XYLB: variants seen among roughly 807,000 people sequenced by gnomAD.
XYLB encodes the protein xylulose kinase.
In XYLB, 62 loss-of-function variants were observed where a neutral mutation model predicts 78.7. The observed-to-expected ratio is 0.79, with a 90% CI of 0.64 to 0.97. XYLB has a LOEUF of 0.97. Among genes scored for constraint, XYLB ranks in the 50% least tolerant of loss-of-function variants. The pLI is 0.00. For synonymous variants in XYLB, 245 were observed against 247.4 expected, an observed-to-expected ratio of 0.99 and a Z score of 0.09; for missense variants, 687 against 676.8, an observed-to-expected ratio of 1.02 and a Z score of -0.17.
At chr3:38,395,828 T>C (rs1232538502) in intron 16 of XYLB, among the ~76,000 whole-genome samples, 1 of 152,204 alleles carries the variant, frequency 6.6e-6, no homozygotes, top group African/African-American at 2.4e-5. Flanking sequence ...AAAGTGCCTG[T>C]TCTTCCACAT....
At chr3:38,410,052 C>G (rs1055981817) in intron 18 of XYLB, among the ~76,000 whole-genome samples, 1 of 152,040 alleles carries the variant, frequency 6.6e-6, no homozygotes, top group Non-Finnish European at 1.5e-5. Flanking sequence ...TCATATGGAA[C>G]CAAAAAAGAG....
chr3:38,359,414 A>G (rs953378790), intron 2 of XYLB, among the ~76,000 whole-genome samples: 3 of 152,220 alleles, frequency 2.0e-5, no homozygotes, highest in African/African-American at 7.2e-5. Context: ...AATCCTGTTT[A>G]TGGCCAGTTT....
At chr3:38,374,392 G>A (rs1706736346) in intron 10 of XYLB, 70 bp from the exon 11 acceptor site, 1 of 1,611,108 alleles carries the variant, frequency 6.2e-7, no homozygotes, top group Non-Finnish European at 8.5e-7. Context: ...CCTGCCTGGA[G>A]AGCCCTGTGG....
the XYLB span, among the ~76,000 whole-genome samples, chr3:38,435,326 A>AACACAC: frequency 2.0e-5 from 3 of 150,210 alleles, no homozygotes; most frequent in East Asian, 3.9e-4. Flanking sequence ...CAAGACCAGT[A>AACACAC]ACACACACAC....
intron 11 of XYLB, among the ~76,000 whole-genome samples, chr3:38,374,922 A>G (rs1706769360): frequency 6.6e-6 from 1 of 152,196 alleles, no homozygotes; most frequent in Non-Finnish European, 1.5e-5. Flanking sequence ...GTTGTGGGAA[A>G]TCAGCACAGA....
chr3:38,346,817 G>A lies in XYLB; in HGVS notation c.-52G>A. On this transcript the variant is annotated 5_prime_UTR_variant, in exon 1 of 19. Transcript: ENST00000207870. ...GGCGCTGGAGCGCGGCGACTATCAC[G>A]CCGCGTGGCGGACGGACGGACTGAC... 2 of 1,461,816 alleles carry A rather than the reference G, an allele frequency of 1.4e-6. No individual in the cohort carries two copies. Among genetic ancestry groups the A allele is most frequent in the Non-Finnish European group, 1.8e-6 (2 of 1,102,966 alleles). 90.6% of individuals were successfully genotyped at this position (1,461,816 alleles called of 1,614,324 possible). A position where few individuals can be genotyped will look rare whatever the true frequency, so the allele number is the denominator to read the frequency against.
chr3:38,450,934 G>A, the XYLB span: 1 of 152,184 alleles, frequency 6.6e-6, no homozygotes, highest in Non-Finnish European at 1.5e-5. Flanking sequence ...GACTGTATAT[G>A]GGAGGAATCA....
chr3:38,395,616 C>G, intron 16 of XYLB, 53 bp downstream of exon 16: 1 of 1,579,106 alleles, frequency 6.3e-7, no homozygotes, highest in Non-Finnish European at 8.7e-7. Context: ...TCTGTTATGT[C>G]TAAGAGCCAG....
chr3:38,405,682 A>G (rs969271547), intron 18 of XYLB, among the ~76,000 whole-genome samples: 1 of 152,242 alleles, frequency 6.6e-6, no homozygotes, highest in Non-Finnish European at 1.5e-5. Flanking sequence ...CTCTCACCCT[A>G]ATACTGCGCT....
At chr3:38,375,966 G>A (rs1254915633) in intron 12 of XYLB, 151 bp from the exon 13 acceptor site, 11 of 658,022 alleles carry the variant, frequency 1.7e-5, no homozygotes, top group Middle Eastern at 5.5e-4. Context: ...AAGAGCCTCC[G>A]ATACCTAAGT....
chr3:38,373,516 A>G (rs540202905), intron 10 of XYLB, among the ~76,000 whole-genome samples: 1 of 152,136 alleles, frequency 6.6e-6, no homozygotes, highest in Admixed American at 6.5e-5. Flanking sequence ...TCATTTTAAC[A>G]GTTGTCTAGA....
chr3:38,357,963 A>G (rs1054379419), intron 2 of XYLB, among the ~76,000 whole-genome samples: 1 of 151,732 alleles, frequency 6.6e-6, no homozygotes, highest in Non-Finnish European at 1.5e-5. Flanking sequence ...ATGTGATCTC[A>G]AAATTTTTGT....
At position 38,355,606 on chromosome 3, in the gene XYLB, G is replaced by A; in HGVS notation, c.141-4733G>A. 3 of 601,084 alleles carry A rather than the reference G, an allele frequency of 5.0e-6. 1 individual carries two copies. The highest frequency in any genetic ancestry group is 4.1e-5 in the South Asian group (2 of 48,588). 37.2% of individuals were successfully genotyped at this position (601,084 alleles called of 1,614,324 possible). On this transcript the variant is annotated intron_variant, in intron 2 of 18. Coordinates refer to ENST00000207870, the MANE Select transcript of XYLB (RefSeq NM_005108.4). ...TCCTAGGCACTCTCCTGCCTTCCTT[G>A]TAGTTATGTTCAGCCATGTGACTGA...
At chr3:38,376,029 T>C (rs1706835668) in intron 12 of XYLB, 88 bp from the exon 13 acceptor site, 2 of 893,020 alleles carry the variant, frequency 2.2e-6, no homozygotes, top group African/African-American at 3.3e-5. Context: ...TGACCTGCAG[T>C]TCCTCTGCCT....
the XYLB span, among the ~76,000 whole-genome samples, chr3:38,437,036 A>G: frequency 6.8e-6 from 1 of 147,272 alleles, no homozygotes. Flanking sequence ...TAATAATAAT[A>G]ATAATAATAA....
chr3:38,370,240 GCACA>G lies in XYLB; in HGVS notation c.765+90_765+93del, dbSNP rs3219563. The G allele has an allele frequency of 6.1e-4, 394 of 647,568 alleles. 1 individual carries two copies. Among genetic ancestry groups the G allele is most frequent in the African/African-American group, 3.4e-3 (188 of 55,142 alleles). The allele number at this position is 647,568 out of a possible 1,614,324, so 40.1% of individuals were successfully genotyped here. A position where few individuals can be genotyped will look rare whatever the true frequency, so the allele number is the denominator to read the frequency against. On this transcript the variant is annotated intron_variant, in intron 9 of 18. Coordinates refer to ENST00000207870, the MANE Select transcript of XYLB (RefSeq NM_005108.4). Reference sequence around the variant, plus strand: ...GCAGCTACCAGGGAAGCACTGTAGCGCACACACACACACACACACACACACACTC... The same window carrying G: ...GCAGCTACCAGGGAAGCACTGTAGCGCACACACACACACACACACACACTC...
intron 18 of XYLB, among the ~76,000 whole-genome samples, chr3:38,406,600 A>T (rs1396573224): frequency 6.6e-6 from 1 of 152,240 alleles, no homozygotes; most frequent in Non-Finnish European, 1.5e-5. Flanking sequence ...ACAGGAGGAA[A>T]TTCAAACCAA....
In XYLB at chr3:38,379,354, A is replaced by C. The variant is rs774337019; in HGVS notation, c.1291+12A>C. On this transcript the variant is annotated intron_variant, in intron 15 of 18. Transcript: ENST00000207870. ...GGGCTATCGAGTCAGTAAGTGAGCC[A>C]CTGGCAGCATGTGTCCCGGGGTGGG... 1.9e-6 allele frequency: 3 copies of C among 1,613,890 alleles called. No homozygotes were observed. Among genetic ancestry groups the C allele is most frequent in the Non-Finnish European group, 2.5e-6 (3 of 1,179,858 alleles).
chr3:38,415,585 C>G (rs1031118140), downstream of XYLB, among the ~76,000 whole-genome samples: 4 of 152,170 alleles, frequency 2.6e-5, 1 homozygote. Context: ...GAGCTCGAGA[C>G]CAGACTGGCC....
Sources: gnomAD v4.1 joint callset for allele counts (sites outside exome capture counted in the v4.1 genomes callset) on GRCh38, gnomAD v4.1.1 for gene constraint, MANE v1.5 for transcripts, NCBI Gene and HGNC (gene_info 2026-07-23, HGNC 2026-07-21) for gene names.